Variants in DST observed in about 807,000 individuals in gnomAD.
DST encodes the protein bullous pemphigoid antigen.
In DST, 253 loss-of-function variants were observed where a neutral mutation model predicts 875.2. The observed-to-expected ratio is 0.29, with a 90% confidence interval of 0.26 to 0.32. The LOEUF is 0.32. Among genes scored for constraint, DST ranks in the 10% least tolerant of loss-of-function variants. DST has a pLI of 1.00. For synonymous variants in DST, 3,124 were observed against 3,197.1 expected (o/e 0.98, Z 0.77); for missense variants, 8,287 against 9,111.6 (o/e 0.91, Z 3.68).
intron 69 of DST, among the ~76,000 whole-genome samples, chr6:56,521,965 C>A (rs1304207429): frequency 6.6e-6 from 1 of 152,064 alleles, no homozygotes; most frequent in South Asian, 2.1e-4. Context: ...ATAATCTTGG[C>A]ATCCATAATT....
At chr6:56,748,904 A>G (rs1374506005) in intron 4 of DST, among the ~76,000 whole-genome samples, 2 of 152,336 alleles carry the variant, frequency 1.3e-5, no homozygotes, top group Non-Finnish European at 2.9e-5. Flanking sequence ...ATTTCTTACT[A>G]TATCAATTCC....
intron 84 of DST, among the ~76,000 whole-genome samples, 166 bp downstream of exon 84, chr6:56,492,768 G>C: frequency 6.6e-6 from 1 of 151,816 alleles, no homozygotes; most frequent in African/African-American, 2.4e-5. Context: ...TACCTGTGGG[G>C]AGGCTGAGGC....
chr6:56,609,490 T>G (rs2098526472), intron 39 of DST, 146 bp from the exon 40 acceptor site: 2 of 633,296 alleles, frequency 3.2e-6, no homozygotes, highest in Non-Finnish European at 5.5e-6. Context: ...CTGTGAATGT[T>G]AGGCAGTTCA....
rs376487096 is a variant in DST, at chr6:56,487,299, C to T, written c.20878-26G>A. 105 of 1,514,350 alleles carry T rather than the reference C, an allele frequency of 6.9e-5. 1 individual carries two copies. Among genetic ancestry groups the T allele is most frequent in the Middle Eastern group, 3.5e-4 (2 of 5,674 alleles). 93.8% of individuals were successfully genotyped at this position (1,514,350 alleles called of 1,614,324 possible). On this transcript the variant is annotated intron_variant, in intron 86 of 103. Coordinates refer to ENST00000680361, the MANE Select transcript of DST (RefSeq NM_001374736.1). ...CTAAATATTTAACAAGAAAAAAATG[C>T]GAATTTCTTCTTGGGACTAATAAAC...
intron 2 of DST, among the ~76,000 whole-genome samples, chr6:56,934,691 T>C (rs1307580585): frequency 2.0e-5 from 3 of 149,568 alleles, no homozygotes; most frequent in African/African-American, 4.9e-5. Context: ...GGAGAGATCA[T>C]TGGTTTTGTG....
At chr6:56,594,875 G>A (rs914705508) in intron 47 of DST, among the ~76,000 whole-genome samples, 4 of 152,224 alleles carry the variant, frequency 2.6e-5, no homozygotes, top group Non-Finnish European at 4.4e-5. Context: ...ACTTCCTGCA[G>A]AGCTGGGCAT....
chr6:56,519,971 T>C (rs931321799), intron 69 of DST, among the ~76,000 whole-genome samples: 2 of 152,190 alleles, frequency 1.3e-5, no homozygotes, highest in Non-Finnish European at 2.9e-5. Flanking sequence ...TGAGTACTTC[T>C]GAATGTTCAC....
Position 56,606,909 on chromosome 6 carries a change from A to G in DST, c.7719T>C (p.Ser2573=). The G allele has an allele frequency of 1.2e-6, 2 of 1,613,478 alleles. No homozygotes were observed. Among genetic ancestry groups the G allele is most frequent in the Non-Finnish European group, 1.7e-6 (2 of 1,179,606 alleles). The change falls in exon 40 of 104, where the codon TCT becomes TCC. Residue 2573 remains serine, a synonymous_variant. Transcript: ENST00000680361. ...PGGDTDNAIV[S]LTCATPLLDE... is the part of the protein sequence containing the mutation. ...CAAGCAATGGTGTAGCACAAGTAAGAGACACAATGGCATTATCAGTATCAC... is the reference window on the plus strand; with the variant it reads ...CAAGCAATGGTGTAGCACAAGTAAGGGACACAATGGCATTATCAGTATCAC...
intron 4 of DST, among the ~76,000 whole-genome samples, chr6:56,818,171 T>C (rs945920421): frequency 6.6e-6 from 1 of 152,172 alleles, no homozygotes; most frequent in African/African-American, 2.4e-5. Flanking sequence ...AGGTAATAAA[T>C]TTGTGTTGTT....
In DST at chr6:56,535,173, C is replaced by A. The variant is rs1464750425; in HGVS notation, c.16890G>T (p.Lys5630Asn). The A allele has an allele frequency of 6.2e-7, 1 of 1,613,866 alleles. No homozygotes were observed. The part of the protein sequence containing the change: ...VDTEELVANQ[K>N]PPSAEFKVVK... Reference sequence around the variant, plus strand: ...CCACTTTGAACTCAGCCGACGGGGGCTTCTGATTGGCCACAAGCTCCTCAG... The same window carrying A: ...CCACTTTGAACTCAGCCGACGGGGGATTCTGATTGGCCACAAGCTCCTCAG... Residue 5630 changes from lysine to asparagine, a missense_variant, in exon 63 of 104, where the codon AAG (lysine) becomes AAT (asparagine). Around this residue, in one of 10 missense-constraint regions of DST, gnomAD observed 777 missense variants for 764.8 expected, o/e 1.02. Transcript: ENST00000680361.
At chr6:56,844,035 C>T (rs1610157) in intron 4 of DST, 20,048 of 152,358 alleles carry the variant, frequency 0.13, 1,648 homozygotes, top group Non-Finnish European at 0.18. Flanking sequence ...CTGTGCGCAG[C>T]CCCCTGCTGA....
intron 4 of DST, among the ~76,000 whole-genome samples, chr6:56,770,130 TCTAAACAGCAGATAAGACTC>T (rs1432262032): frequency 3.9e-5 from 6 of 152,162 alleles, no homozygotes; most frequent in Non-Finnish European, 8.8e-5. Flanking sequence ...TTAATCAGTG[TCTAAACAGCAGATAAGACTC>T]CTAAACAGCA....
At chr6:56,554,007 CA>C (rs1477438487) in intron 60 of DST, among the ~76,000 whole-genome samples, 1 of 147,512 alleles carries the variant, frequency 6.8e-6, no homozygotes, top group Non-Finnish European at 1.5e-5. Context: ...GTGATGATGG[CA>C]AAGTTCTTAA....
intron 49 of DST, among the ~76,000 whole-genome samples, chr6:56,591,573 G>A (rs1018539320): frequency 3.3e-5 from 5 of 152,152 alleles, no homozygotes; most frequent in African/African-American, 1.2e-4. Flanking sequence ...CAGTGAACAA[G>A]ATAAGTAAGT....
intron 38 of DST, 78 bp from the exon 39 acceptor site, chr6:56,610,640 G>C (rs1213965709): frequency 5.7e-6 from 7 of 1,224,956 alleles, no homozygotes; most frequent in Non-Finnish European, 6.7e-6. Context: ...CAATAATTTT[G>C]TCATATGATG....
chr6:56,634,915 T>A lies in DST; in HGVS notation c.3225A>T (p.Ile1075=). ...TTTTTGCTTTTCCCATTAGGTTTGCTATAGTGCTTTTGTACTGCAGAAGTT... is the reference window on the plus strand; with the variant it reads ...TTTTTGCTTTTCCCATTAGGTTTGCAATAGTGCTTTTGTACTGCAGAAGTT... ...KEELLQYKST[I]ANLMGKAKTI... The change falls in exon 25 of 104, where the codon ATA becomes ATT. Residue 1075 remains isoleucine, a synonymous_variant. Transcript: ENST00000680361. 6.2e-7 allele frequency: 1 copy of A among 1,613,504 alleles called. No individual in the cohort carries two copies. Among genetic ancestry groups the A allele is most frequent in the Non-Finnish European group, 8.5e-7 (1 of 1,179,692 alleles).
intron 5 of DST, among the ~76,000 whole-genome samples, chr6:56,730,343 AAGTC>A (rs1461743209): frequency 6.6e-6 from 1 of 152,180 alleles, no homozygotes; most frequent in Non-Finnish European, 1.5e-5. Flanking sequence ...TCAGAAAATA[AAGTC>A]CTTCCTTCTT....
At chr6:56,551,655 A>C (rs1205882555) in intron 61 of DST, among the ~76,000 whole-genome samples, 1 of 152,206 alleles carries the variant, frequency 6.6e-6, no homozygotes, top group Non-Finnish European at 1.5e-5. Flanking sequence ...CCTCTGGGGC[A>C]TGAGCCTAAG....
At chr6:56,579,822 T>C (rs1183472627) in intron 49 of DST, among the ~76,000 whole-genome samples, 3 of 152,240 alleles carry the variant, frequency 2.0e-5, no homozygotes, top group Admixed American at 2.0e-4. Flanking sequence ...AATGGGGAGT[T>C]ATGCAGGGCT....
Sources: gnomAD v4.1 joint callset for allele counts (sites outside exome capture counted in the v4.1 genomes callset) on GRCh38, gnomAD v4.1.1 for gene constraint, gnomAD v4.1.1 regional missense constraint, MANE v1.5 for transcripts, NCBI Gene and HGNC (gene_info 2026-07-23, HGNC 2026-07-21) for gene names.